Variants in PDE7B observed in about 807,000 individuals in gnomAD.
The protein encoded by PDE7B is 3',5'-cyclic-AMP phosphodiesterase 7B.
PDE7B carries 29 observed loss-of-function variants against 56.2 expected under a neutral mutation model. The observed-to-expected ratio is 0.52, with a 90% confidence interval of 0.38 to 0.70. The LOEUF (loss-of-function observed/expected upper bound fraction) is 0.70. Among genes scored for constraint, PDE7B ranks in the 30% least tolerant of loss-of-function variants. The probability of loss-of-function intolerance (pLI) is 0.00; values close to 1 mark genes in which losing one functional copy is unlikely to be tolerated. For synonymous variants in PDE7B, 197 were observed against 196.9 expected, an observed-to-expected ratio of 1.00 and a Z score of 0.00; for missense variants, 490 against 565.0, an observed-to-expected ratio of 0.87 and a Z score of 1.35.
At chr6:136,178,256 A>G (rs1163553776) in intron 9 of PDE7B, among the ~76,000 whole-genome samples, 2 of 152,084 alleles carry the variant, frequency 1.3e-5, no homozygotes, top group Non-Finnish European at 2.9e-5. Flanking sequence ...CAAGGTGTTC[A>G]TTTTCTATTT....
intron 1 of PDE7B, among the ~76,000 whole-genome samples, chr6:135,905,773 G>A (rs776565690): frequency 7.9e-5 from 12 of 152,104 alleles, no homozygotes; most frequent in Non-Finnish European, 1.2e-4. Context: ...AACGCACTAC[G>A]CAAAAGCCAG....
intron 3 of PDE7B, among the ~76,000 whole-genome samples, chr6:136,144,784 T>C (rs1351014962): frequency 6.6e-6 from 1 of 152,146 alleles, no homozygotes; most frequent in African/African-American, 2.4e-5. Flanking sequence ...TTTTTTCTAA[T>C]GTTTCCTCTT....
intron 1 of PDE7B, among the ~76,000 whole-genome samples, chr6:135,878,261 A>G (rs1246452180): frequency 6.6e-6 from 1 of 152,184 alleles, no homozygotes; most frequent in Non-Finnish European, 1.5e-5. Flanking sequence ...CATTTTTATT[A>G]CATATTTTAT....
intron 6 of PDE7B, among the ~76,000 whole-genome samples, 173 bp from the exon 7 acceptor site, chr6:136,153,902 A>G (rs919588441): frequency 3.3e-5 from 5 of 152,254 alleles, no homozygotes; most frequent in African/African-American, 9.6e-5. Context: ...TCTGCTAAAA[A>G]CAGCCTAGCA....
intron 1 of PDE7B, 110 bp from the exon 2 acceptor site, chr6:135,947,354 T>C: frequency 1.2e-6 from 1 of 868,028 alleles, no homozygotes; most frequent in Middle Eastern, 2.2e-4. Context: ...AGGTAACCAA[T>C]GAAAACAAAA....
At chr6:136,004,040 G>T (rs1262175092) in intron 2 of PDE7B, among the ~76,000 whole-genome samples, 2 of 151,938 alleles carry the variant, frequency 1.3e-5, no homozygotes, top group Non-Finnish European at 1.5e-5. Context: ...ATGCAAGGCT[G>T]GTTCAATATA....
intron 2 of PDE7B, among the ~76,000 whole-genome samples, chr6:135,960,528 A>G (rs1347597264): frequency 2.0e-5 from 3 of 152,224 alleles, no homozygotes; most frequent in Non-Finnish European, 4.4e-5. Context: ...TTATATACTT[A>G]CTGGCACCTC....
intron 2 of PDE7B, among the ~76,000 whole-genome samples, chr6:135,949,488 G>A (rs538706858): frequency 6.6e-6 from 1 of 152,098 alleles, no homozygotes; most frequent in South Asian, 2.1e-4. Context: ...AATTAGAAAT[G>A]CATTTATATA....
At chr6:136,017,909 C>T (rs1359686823) in intron 2 of PDE7B, among the ~76,000 whole-genome samples, 1 of 152,110 alleles carries the variant, frequency 6.6e-6, no homozygotes, top group Non-Finnish European at 1.5e-5. Context: ...CACAAACATA[C>T]ACACATACCC....
intron 1 of PDE7B, among the ~76,000 whole-genome samples, chr6:135,913,845 G>A (rs1295777093): frequency 6.6e-6 from 1 of 152,162 alleles, no homozygotes; most frequent in Non-Finnish European, 1.5e-5. Flanking sequence ...GTTACTTCAT[G>A]TTATCATTCC....
intron 3 of PDE7B, among the ~76,000 whole-genome samples, chr6:136,138,717 G>A (rs1174622968): frequency 6.6e-6 from 1 of 152,042 alleles, no homozygotes; most frequent in African/African-American, 2.4e-5. Flanking sequence ...GTCATGGCCT[G>A]CCTTGCTATT....
At chr6:135,902,619 T>C (rs188312578) in intron 1 of PDE7B, among the ~76,000 whole-genome samples, 77 of 152,300 alleles carry the variant, frequency 5.1e-4, no homozygotes, top group South Asian at 2.7e-3. Flanking sequence ...TGGAAAAATA[T>C]ATCTACTTTT....
chr6:135,980,663 GC>G lies in PDE7B; in HGVS notation c.82+33141del, dbSNP rs1775278270. On this transcript the variant is annotated intron_variant, in intron 2 of 12. Transcript: ENST00000308191. ...CTTCTCAAAAGACGACATTTATGCA[GC>G]CAAAAAACACATGAAAAAATGCTCA... is the stretch of plus-strand genomic sequence containing the variant. Among the ~76,000 whole-genome samples the G allele has an allele frequency of 5.9e-5, 9 of 151,976 alleles. No homozygotes were observed. The South Asian group carries it at 1.7e-3, about 28-fold the overall frequency.
intron 2 of PDE7B, among the ~76,000 whole-genome samples, chr6:136,041,650 AC>A (rs1776416863): frequency 6.6e-6 from 1 of 152,212 alleles, no homozygotes; most frequent in Non-Finnish European, 1.5e-5. Context: ...GGCACTGTTC[AC>A]CCTAGCAAGG....
At chr6:135,953,131 G>C (rs895926979) in intron 2 of PDE7B, among the ~76,000 whole-genome samples, 6 of 151,938 alleles carry the variant, frequency 3.9e-5, no homozygotes, top group Non-Finnish European at 7.4e-5. Context: ...TAAGCAACAA[G>C]ATAATATTTT....
chr6:136,077,413 T>C (rs2128214696), intron 2 of PDE7B, among the ~76,000 whole-genome samples: 1 of 152,300 alleles, frequency 6.6e-6, no homozygotes, highest in South Asian at 2.1e-4. Context: ...ATAATGAATG[T>C]GATTTAACCC....
rs575853224 is a variant in PDE7B at position 136,178,437 on chromosome 6, G to C, written c.804-560G>C. 3.3e-5 allele frequency among the ~76,000 whole-genome samples: 5 copies of C among 152,188 alleles called. 1 individual carries two copies. The highest frequency in any genetic ancestry group is 1.2e-4 in the African/African-American group (5 of 41,512). On this transcript the variant is annotated intron_variant, in intron 9 of 12. Coordinates refer to ENST00000308191, the MANE Select transcript of PDE7B (RefSeq NM_018945.4). ...ATATCCCATTTTCTCTATACCATTTGTTGACTAATATATCTCTTGCCCACT... is the reference window on the plus strand; with the variant it reads ...ATATCCCATTTTCTCTATACCATTTCTTGACTAATATATCTCTTGCCCACT...
At chr6:135,989,379 A>T (rs1440652152) in intron 2 of PDE7B, among the ~76,000 whole-genome samples, 2 of 152,162 alleles carry the variant, frequency 1.3e-5, no homozygotes, top group African/African-American at 4.8e-5. Flanking sequence ...TTTGGAAGGC[A>T]AAGGCAGGTG....
chr6:135,949,548 C>A (rs1774660341), intron 2 of PDE7B, among the ~76,000 whole-genome samples: 1 of 152,002 alleles, frequency 6.6e-6, no homozygotes. Context: ...GTTAATTGAG[C>A]ACTTAATATG....
Sources: gnomAD v4.1 joint callset for allele counts (sites outside exome capture counted in the v4.1 genomes callset) on GRCh38, gnomAD v4.1.1 for gene constraint, MANE v1.5 for transcripts, NCBI Gene and HGNC (gene_info 2026-07-23, HGNC 2026-07-21) for gene names.